PTPRB: variants seen among roughly 807,000 people sequenced by gnomAD.
PTPRB encodes the protein receptor-type tyrosine-protein phosphatase beta.
PTPRB carries 97 observed loss-of-function variants against 238.1 expected under a neutral mutation model. That is an observed-to-expected ratio of 0.41 (90% CI 0.35 to 0.48). The LOEUF is 0.48. PTPRB is among the 20% of genes least tolerant of loss of function. The pLI, the probability that PTPRB is intolerant of heterozygous loss-of-function variation, is 0.30. For synonymous variants in PTPRB, 970 were observed against 995.4 expected (o/e 0.97, Z 0.48); for missense variants, 2,292 against 2,681.9 (o/e 0.85, Z 3.21).
chr12:70,580,997 A>G, intron 10 of PTPRB, 39 bp downstream of exon 10: 1 of 1,594,780 alleles, frequency 6.3e-7, no homozygotes, highest in South Asian at 1.1e-5. Flanking sequence ...ATGTACTCAG[A>G]TCTTAGTTAA....
At chr12:70,585,873 AC>A (rs1197791267) in intron 9 of PTPRB, among the ~76,000 whole-genome samples, 1 of 149,602 alleles carries the variant, frequency 6.7e-6, no homozygotes. Flanking sequence ...TTCAATTCCC[AC>A]CTATGAGTGA....
chr12:70,628,703 C>T (rs1016908145), intron 2 of PTPRB, among the ~76,000 whole-genome samples: 5 of 151,980 alleles, frequency 3.3e-5, no homozygotes, highest in Non-Finnish European at 7.4e-5. Context: ...GGGGCCAGTG[C>T]TATTTCTTGC....
rs35496972 is a variant in PTPRB at position 70,590,940 on chromosome 12, G to GTTTTT, written c.1781-712_1781-708dup. 9.8e-3 allele frequency among the ~76,000 whole-genome samples: 1,010 copies of GTTTTT among 102,816 alleles called. 29 individuals carry two copies. The highest frequency in any genetic ancestry group is 0.014 in the Non-Finnish European group (754 of 52,654). 67.5% of individuals were successfully genotyped at this position (102,816 alleles called of 152,430 possible). On this transcript the variant is annotated intron_variant, in intron 7 of 33. Coordinates refer to ENST00000334414, the MANE Select transcript of PTPRB (RefSeq NM_001109754.4). ...TAAAGATCATTTCTATTTCCTCCAA[G>GTTTTT]TTTTTTTTTTTTTTTTTTTTTGAGA...
intron 32 of PTPRB, among the ~76,000 whole-genome samples, chr12:70,529,818 C>T (rs75647076): frequency 0.011 from 1,711 of 152,194 alleles, 39 homozygotes; most frequent in African/African-American, 0.039. Context: ...GTTTCCTCAG[C>T]GCTGAAAGAG....
chr12:70,600,401 T>C (rs138255594), intron 4 of PTPRB, among the ~76,000 whole-genome samples: 2 of 152,318 alleles, frequency 1.3e-5, no homozygotes, highest in Admixed American at 6.5e-5. Context: ...TTAGCTGTCC[T>C]AGTGTGGGAA....
chr12:70,620,515 AT>A (rs1215771038), intron 3 of PTPRB, among the ~76,000 whole-genome samples: 21 of 152,090 alleles, frequency 1.4e-4, no homozygotes, highest in South Asian at 4.2e-4. Context: ...GACACACTTA[AT>A]TTTTTTTCTC....
chr12:70,573,930 A>C (rs1434401144), intron 11 of PTPRB, among the ~76,000 whole-genome samples: 1 of 152,208 alleles, frequency 6.6e-6, no homozygotes, highest in Non-Finnish European at 1.5e-5. Context: ...ACTGTGGAAT[A>C]AGGCAATTCT....
At chr12:70,540,721 T>C (rs1874939727) in intron 23 of PTPRB, 137 bp downstream of exon 23, 5 of 682,746 alleles carry the variant, frequency 7.3e-6, no homozygotes, top group Non-Finnish European at 9.8e-6. Flanking sequence ...GTTTGACTTG[T>C]TTTTATTGAG....
chr12:70,590,223 T>G lies in PTPRB; in HGVS notation c.1791A>C (p.Lys597Asn). The G allele has an allele frequency of 1.9e-6, 3 of 1,565,766 alleles. No individual in the cohort carries two copies. The highest frequency in any genetic ancestry group is 2.6e-6 in the Non-Finnish European group (3 of 1,155,076). Residue 597 changes from lysine to asparagine, a missense_variant, in exon 8 of 34, where the codon AAA becomes AAC. Physicochemically the swap from Lys to Asn is moderately conservative, Grantham distance 94 (BLOSUM62 0). Coordinates refer to ENST00000334414, the MANE Select transcript of PTPRB (RefSeq NM_001109754.4). The part of the protein sequence containing the change: ...KMAVGRTFPD[K>N]VANLEANNNG... The stretch of plus-strand genomic sequence containing the variant: ...TATTGTTTGCCTCCAGGTTTGCAAC[T>G]TTGTCTGGAACTAAACGGTGAAATG...
rs115018523 is a variant in PTPRB, at chr12:70,526,348, A to G, written c.6505-1757T>C. On this transcript the variant is annotated intron_variant, in intron 32 of 33. Transcript: ENST00000334414. The stretch of plus-strand genomic sequence containing the variant: ...CTCCTGAGTAGTTGGGATTATAGGT[A>G]TGGACCATCAGGCCTGGATAAATTA... Among the ~76,000 whole-genome samples, 728 of 152,210 alleles carry G rather than the reference A, an allele frequency of 4.8e-3. 7 individuals are homozygous for G. The highest frequency in any genetic ancestry group is 0.017 in the African/African-American group (689 of 41,532).
At chr12:70,567,707 G>T (rs1477092033) in intron 14 of PTPRB, among the ~76,000 whole-genome samples, 1 of 152,092 alleles carries the variant, frequency 6.6e-6, no homozygotes, top group Non-Finnish European at 1.5e-5. Flanking sequence ...ACTCTATCTA[G>T]CATATTTTCA....
chr12:70,604,872 C>G (rs775745058), intron 4 of PTPRB, among the ~76,000 whole-genome samples: 1 of 152,150 alleles, frequency 6.6e-6, no homozygotes, highest in Admixed American at 6.5e-5. Context: ...TCAGAAGAAA[C>G]TAAACCTGCA....
chr12:70,595,944 A>T, intron 5 of PTPRB, 105 bp downstream of exon 5: 1 of 1,095,844 alleles, frequency 9.1e-7, no homozygotes, highest in Non-Finnish European at 1.2e-6. Flanking sequence ...ATTGCTAATT[A>T]ATTAACTTTG....
Position 70,620,205 on chromosome 12 carries a change from A to G in PTPRB, c.708+2185T>C, listed in dbSNP as rs555386112. Among the ~76,000 whole-genome samples, 8 of 152,176 alleles carry G rather than the reference A, an allele frequency of 5.3e-5. No individual in the cohort carries two copies. The South Asian group carries it at 1.5e-3, about 28-fold the overall frequency. ...TCATATAAACACTGCAGTGAATCTC[A>G]CTCTAGAAAAAGGCTACATGATCCA... On this transcript the variant is annotated intron_variant, in intron 3 of 33. Transcript: ENST00000334414.
intron 32 of PTPRB, among the ~76,000 whole-genome samples, chr12:70,526,779 G>C (rs962021365): frequency 3.3e-5 from 5 of 152,092 alleles, no homozygotes; most frequent in Non-Finnish European, 7.4e-5. Flanking sequence ...AGTTCTACTG[G>C]GATATTACAT....
chr12:70,581,247 C>G lies in PTPRB; in HGVS notation c.2367G>C (p.Leu789=), dbSNP rs750622601. The change falls in exon 10 of 34, where the codon CTG becomes CTC. Residue 789 remains leucine, a synonymous_variant. Coordinates refer to ENST00000334414, the MANE Select transcript of PTPRB (RefSeq NM_001109754.4). ...HVANQGMTSS[L]FTNWTQAQGD... is the part of the protein sequence containing the mutation. ...CTTGTGCCTGGGTCCAGTTAGTAAA[C>G]AGACTACTGGTCATTCCTTGGTTGG... 1.9e-6 allele frequency: 3 copies of G among 1,613,904 alleles called. No individual in the cohort carries two copies.
chr12:70,619,020 C>T (rs982263164), intron 3 of PTPRB, among the ~76,000 whole-genome samples: 3 of 152,226 alleles, frequency 2.0e-5, no homozygotes, highest in African/African-American at 4.8e-5. Flanking sequence ...ACTCTGATCC[C>T]CAATAGCCAA....
Position 70,527,771 on chromosome 12 carries a change from G to T in PTPRB, c.6505-3180C>A, listed in dbSNP as rs1383495133. The T allele has an allele frequency of 4.6e-5, 7 of 152,114 alleles. 1 individual carries two copies. Among genetic ancestry groups the T allele is most frequent in the Admixed American group, 3.9e-4 (6 of 15,270 alleles). The allele number at this position is 152,114 out of a possible 1,614,324, so 9.4% of individuals were successfully genotyped here. On this transcript the variant is annotated intron_variant, in intron 32 of 33. Transcript: ENST00000334414. ...GAAGTTCACTGTCACCATGGACCCA[G>T]AAAAATAATACAAGGGGTCCAAATG...
chr12:70,559,324 G>A lies in PTPRB; in HGVS notation c.4714+19C>T. On this transcript the variant is annotated intron_variant, in intron 18 of 33. Coordinates refer to ENST00000334414, the MANE Select transcript of PTPRB (RefSeq NM_001109754.4). ...CCTCTACTCCATTTGAGAAATAAGA[G>A]TAGCAAAACATGTCATACTTGTCCT... 4 of 1,593,646 alleles carry A rather than the reference G, an allele frequency of 2.5e-6. No homozygotes were observed. The highest frequency in any genetic ancestry group is 3.4e-6 in the Non-Finnish European group (4 of 1,161,512).
Sources: gnomAD v4.1 joint callset for allele counts (sites outside exome capture counted in the v4.1 genomes callset) on GRCh38, gnomAD v4.1.1 for gene constraint, MANE v1.5 for transcripts, NCBI Gene and HGNC (gene_info 2026-07-23, HGNC 2026-07-21) for gene names.